KDM4C: variants seen among roughly 807,000 people sequenced by gnomAD.
KDM4C encodes the protein lysine-specific demethylase 4C.
Under a neutral mutation model 129.3 loss-of-function variants are expected in KDM4C, and 81 were observed. The ratio of observed to expected loss-of-function variants is 0.63; its 90% CI spans 0.52 to 0.75. The LOEUF (loss-of-function observed/expected upper bound fraction) is 0.75. Among genes scored for constraint, KDM4C ranks in the 30% least tolerant of loss-of-function variants. The pLI is 0.00. For missense variants in KDM4C, 1,457 were observed against 1,304.0 expected (o/e 1.12, Z -1.81); for synonymous variants, 573 against 456.1 (o/e 1.26, Z -3.26).
upstream of KDM4C, among the ~76,000 whole-genome samples, chr9:6,754,667 G>A (rs562977509): frequency 5.3e-5 from 8 of 152,018 alleles, no homozygotes; most frequent in South Asian, 1.7e-3. Context: ...TTGAGCCCAG[G>A]AGTTTGACAC....
intron 12 of KDM4C, among the ~76,000 whole-genome samples, chr9:6,997,125 A>T (rs1232895976): frequency 6.6e-6 from 1 of 152,132 alleles, no homozygotes; most frequent in Non-Finnish European, 1.5e-5. Context: ...CGCATGGAGG[A>T]ATTGTTTTGA....
intron 17 of KDM4C, among the ~76,000 whole-genome samples, chr9:7,051,240 G>A (rs924054186): frequency 2.0e-5 from 3 of 152,096 alleles, no homozygotes; most frequent in African/African-American, 7.2e-5. Context: ...TTCATTTGGG[G>A]GGAAGAATGT....
In KDM4C at chr9:6,793,001, G is replaced by A. The variant is rs772150930; in HGVS notation, c.13G>A (p.Glu5Lys). The stretch of plus-strand genomic sequence containing the variant: ...TGCCCTAACCATCATGGAGGTGGCC[G>A]AGGTGGAAAGTCCTCTGAACCCCAG... MEVA[E>K]VESPLNPSCK... is the part of the protein sequence containing the mutation. Residue 5 changes from glutamate (E) to lysine (K), a missense_variant, in exon 2 of 22, where the codon GAG (glutamate) becomes AAG (lysine). Physicochemically the swap from Glu to Lys is moderately conservative, Grantham distance 56. Transcript: ENST00000381309. 10 of 1,614,020 alleles carry A rather than the reference G, an allele frequency of 6.2e-6. No individual in the cohort carries two copies. The highest frequency in any genetic ancestry group is 2.2e-5 in the South Asian group (2 of 91,078).
chr9:6,922,870 C>A (rs1821787975), intron 8 of KDM4C, among the ~76,000 whole-genome samples: 1 of 152,232 alleles, frequency 6.6e-6, no homozygotes, highest in Admixed American at 6.5e-5. Flanking sequence ...AGATGCTTAT[C>A]TCTCCCTCTC....
rs144048566 is a variant in KDM4C at position 6,744,393 on chromosome 9, C to T, written c.49+23396C>T. Among the ~76,000 whole-genome samples the T allele has an allele frequency of 1.9e-3, 288 of 152,106 alleles. 1 individual carries two copies. The highest frequency in any genetic ancestry group is 5.6e-3 in the African/African-American group (233 of 41,500). On this transcript the variant is annotated intron_variant, in intron 1 of 17. Coordinates refer to the KDM4C transcript ENST00000536108. ...TACAAGAATTAGCTGGGCATGGTGG[C>T]GTGCGCCTGTAATCCCAGCTACTCA...
chr9:6,928,372 G>A (rs1361451224), intron 8 of KDM4C, among the ~76,000 whole-genome samples: 1 of 151,472 alleles, frequency 6.6e-6, no homozygotes, highest in African/African-American at 2.4e-5. Flanking sequence ...TAAGTCTCTT[G>A]CCAGCAGGCT....
chr9:6,912,701 A>G (rs184507183), intron 8 of KDM4C, among the ~76,000 whole-genome samples: 6 of 152,308 alleles, frequency 3.9e-5, no homozygotes, highest in Admixed American at 3.9e-4. Context: ...CTGCTTAGAA[A>G]TGTTTGTAAG....
At chr9:6,829,562 C>T (rs1399748828) in intron 4 of KDM4C, among the ~76,000 whole-genome samples, 2 of 152,226 alleles carry the variant, frequency 1.3e-5, no homozygotes, top group Non-Finnish European at 1.5e-5. Flanking sequence ...GATAAGGAAG[C>T]TCAGACTGAA....
intron 11 of KDM4C, among the ~76,000 whole-genome samples, chr9:6,989,897 C>G (rs1026370652): frequency 6.6e-6 from 1 of 151,826 alleles, no homozygotes; most frequent in African/African-American, 2.4e-5. Flanking sequence ...ACCTTAGCCT[C>G]CTGAGGACCT....
intron 8 of KDM4C, among the ~76,000 whole-genome samples, chr9:6,903,285 TA>T (rs1817717080): frequency 6.6e-6 from 1 of 152,208 alleles, no homozygotes; most frequent in Admixed American, 6.5e-5. Context: ...ATTATTGAAA[TA>T]GCATGAAAAC....
chr9:7,108,001 T>G (rs182873785), intron 18 of KDM4C, among the ~76,000 whole-genome samples: 42 of 152,300 alleles, frequency 2.8e-4, no homozygotes, highest in South Asian at 1.7e-3. Context: ...TTATTGAGCA[T>G]CTTTTATGTC....
chr9:6,787,787 C>G (rs1320120677), intron 1 of KDM4C, among the ~76,000 whole-genome samples: 2 of 152,184 alleles, frequency 1.3e-5, no homozygotes, highest in Admixed American at 6.5e-5. Context: ...CAGCTCATTT[C>G]TCTGCTTCAG....
chr9:6,943,524 C>G (rs898507587), intron 8 of KDM4C, among the ~76,000 whole-genome samples: 2 of 151,792 alleles, frequency 1.3e-5, no homozygotes, highest in Non-Finnish European at 2.9e-5. Flanking sequence ...GCCTGGGTAA[C>G]GTTAGCTGAG....
chr9:7,013,703 G>C (rs1823116232), intron 13 of KDM4C, 85 bp from the exon 14 acceptor site: 1 of 1,279,306 alleles, frequency 7.8e-7, no homozygotes, highest in Non-Finnish European at 1.1e-6. Context: ...TTAGTGTCTG[G>C]AACAGGAGTT....
intron 12 of KDM4C, among the ~76,000 whole-genome samples, chr9:7,003,825 A>C (rs1417132560): frequency 6.6e-6 from 1 of 152,198 alleles, no homozygotes; most frequent in African/African-American, 2.4e-5. Context: ...ATAGTTTCAT[A>C]CATTATTCAG....
At chr9:6,966,176 T>G (rs942259467) in intron 8 of KDM4C, among the ~76,000 whole-genome samples, 1 of 152,098 alleles carries the variant, frequency 6.6e-6, no homozygotes, top group Non-Finnish European at 1.5e-5. Context: ...AAGTAAGAAT[T>G]TCCACTCCTA....
chr9:6,735,016 C>T (rs1817481206), intron 1 of KDM4C: 4 of 517,396 alleles, frequency 7.7e-6, no homozygotes, highest in South Asian at 6.1e-5. Context: ...TACTGCATTG[C>T]AGCTATTGTA....
chr9:6,878,900 A>T (rs558400367), intron 5 of KDM4C, among the ~76,000 whole-genome samples: 6 of 152,216 alleles, frequency 3.9e-5, no homozygotes, highest in Non-Finnish European at 8.8e-5. Flanking sequence ...CCATAAATAT[A>T]CATTGGGTGA....
At chr9:7,042,691 C>A (rs1403590062) in intron 15 of KDM4C, among the ~76,000 whole-genome samples, 1 of 152,054 alleles carries the variant, frequency 6.6e-6, no homozygotes, top group African/African-American at 2.4e-5. Context: ...CTTCACAGGG[C>A]AGGCATTGCT....
Sources: allele counts gnomAD v4.1 joint callset (sites outside exome capture counted in the v4.1 genomes callset), GRCh38; gene constraint gnomAD v4.1.1; transcripts MANE v1.5; gene names NCBI Gene and HGNC (gene_info 2026-07-23, HGNC 2026-07-21).